The following PTPRD variants were observed in gnomAD, a reference collection of about 807,000 sequenced individuals.
The protein encoded by PTPRD is protein tyrosine phosphatase receptor type D.
In PTPRD, 34 loss-of-function variants were observed where a neutral mutation model predicts 214.5. The observed-to-expected ratio is 0.16, with a 90% CI of 0.12 to 0.21. The LOEUF (loss-of-function observed/expected upper bound fraction) is 0.21. Ranked by LOEUF, PTPRD falls within the 10% of genes least tolerant of loss-of-function variation. The pLI is 1.00. For missense variants in PTPRD, 2,545 were observed against 2,398.7 expected, an observed-to-expected ratio of 1.06 and a Z score of -1.27; for synonymous variants, 1,128 against 845.7, an observed-to-expected ratio of 1.33 and a Z score of -5.79.
At chr9:9,919,014 G>A (rs990762180) in intron 5 of PTPRD, among the ~76,000 whole-genome samples, 5 of 152,032 alleles carry the variant, frequency 3.3e-5, no homozygotes, top group Admixed American at 2.6e-4. Context: ...TACTAATCTT[G>A]ATGTTGAGGA....
chr9:10,057,700 T>C (rs1409868028), intron 3 of PTPRD, among the ~76,000 whole-genome samples: 1 of 151,748 alleles, frequency 6.6e-6, no homozygotes, highest in African/African-American at 2.4e-5. Flanking sequence ...AAAAATTAGC[T>C]GGGCGTGGTG....
At chr9:8,374,955 T>A (rs930970460) in intron 39 of PTPRD, among the ~76,000 whole-genome samples, 8 of 151,874 alleles carry the variant, frequency 5.3e-5, no homozygotes, top group African/African-American at 9.7e-5. Context: ...TATATTATAG[T>A]ATAATATGGG....
intron 26 of PTPRD, among the ~76,000 whole-genome samples, chr9:8,496,210 AAAC>A (rs2097266409): frequency 1.3e-3 from 163 of 121,480 alleles, no homozygotes; most frequent in African/African-American, 4.1e-3. Context: ...ACACACACAC[AAAC>A]ACACACACAC....
At chr9:10,415,997 A>T (rs545125186) in intron 2 of PTPRD, among the ~76,000 whole-genome samples, 1 of 151,994 alleles carries the variant, frequency 6.6e-6, no homozygotes, top group Non-Finnish European at 1.5e-5. Flanking sequence ...TAATTCCAAA[A>T]TTAATTTTGA....
intron 9 of PTPRD, among the ~76,000 whole-genome samples, chr9:9,329,000 C>G (rs2041252560): frequency 6.6e-6 from 1 of 151,940 alleles, no homozygotes; most frequent in Non-Finnish European, 1.5e-5. Flanking sequence ...AAAATTGACA[C>G]TATGAGGAGA....
intron 3 of PTPRD, among the ~76,000 whole-genome samples, chr9:10,207,553 T>G (rs1466342247): frequency 1.3e-5 from 2 of 152,152 alleles, no homozygotes; most frequent in African/African-American, 4.8e-5. Context: ...AATATTATTA[T>G]GTAACTAAAT....
At chr9:9,345,417 G>C (rs956575922) in intron 9 of PTPRD, among the ~76,000 whole-genome samples, 1 of 152,060 alleles carries the variant, frequency 6.6e-6, no homozygotes, top group Non-Finnish European at 1.5e-5. Flanking sequence ...AGAGGCTCAA[G>C]TACAGGTTAT....
At chr9:9,285,409 T>A (rs548905372) in intron 9 of PTPRD, among the ~76,000 whole-genome samples, 4 of 151,798 alleles carry the variant, frequency 2.6e-5, no homozygotes, top group Non-Finnish European at 5.9e-5. Context: ...TCTAAAATTT[T>A]TTTTCTCAAA....
chr9:10,551,522 C>A (rs979892666), intron 2 of PTPRD, among the ~76,000 whole-genome samples: 4 of 152,062 alleles, frequency 2.6e-5, no homozygotes, highest in African/African-American at 9.7e-5. Context: ...AAGAAGGCCT[C>A]ATGAATGGGA....
At chr9:10,060,853 C>G (rs1215385933) in intron 3 of PTPRD, among the ~76,000 whole-genome samples, 1 of 110,388 alleles carries the variant, frequency 9.1e-6, no homozygotes, top group East Asian at 2.4e-4. Flanking sequence ...CCTTTCCTTT[C>G]TTTCTTCCTT....
chr9:10,303,130 T>C (rs988051250), intron 3 of PTPRD, among the ~76,000 whole-genome samples: 1 of 152,116 alleles, frequency 6.6e-6, no homozygotes, highest in African/African-American at 2.4e-5. Flanking sequence ...CACAACTACA[T>C]ATAAGCTGAA....
intron 11 of PTPRD, among the ~76,000 whole-genome samples, chr9:8,816,242 C>A (rs545519188): frequency 6.6e-6 from 1 of 152,162 alleles, no homozygotes; most frequent in Non-Finnish European, 1.5e-5. Context: ...ATGCACTTAA[C>A]AGAATATGAT....
At chr9:8,454,505 C>A in intron 33 of PTPRD, 3 of 1,545,970 alleles carry the variant, frequency 1.9e-6, no homozygotes. Context: ...GCCCTCCCCT[C>A]TTCAACAACT....
intron 3 of PTPRD, among the ~76,000 whole-genome samples, chr9:10,126,391 G>T (rs965652997): frequency 6.7e-6 from 1 of 149,730 alleles, no homozygotes; most frequent in South Asian, 2.1e-4. Context: ...GTTCAGTATT[G>T]AAATTTGATT....
At chr9:8,627,883 C>A (rs1378889196) in intron 14 of PTPRD, among the ~76,000 whole-genome samples, 1 of 151,896 alleles carries the variant, frequency 6.6e-6, no homozygotes. Flanking sequence ...CGTCTGTTCA[C>A]TTAAAGTGGC....
intron 14 of PTPRD, among the ~76,000 whole-genome samples, chr9:8,615,146 G>T (rs776393917): frequency 2.0e-5 from 3 of 152,092 alleles, no homozygotes; most frequent in African/African-American, 4.8e-5. Flanking sequence ...GCTGAGCACA[G>T]CTGAAGAAAG....
intron 5 of PTPRD, among the ~76,000 whole-genome samples, chr9:9,931,460 G>T (rs1211538642): frequency 1.3e-5 from 2 of 152,204 alleles, no homozygotes; most frequent in African/African-American, 4.8e-5. Flanking sequence ...AAAGAAAGGG[G>T]TGACAGATGG....
At chr9:9,419,128 T>TAC (rs142908778) in intron 8 of PTPRD, among the ~76,000 whole-genome samples, 57,789 of 139,670 alleles carry the variant, frequency 0.41, 12,387 homozygotes, top group East Asian at 0.64. Context: ...AGGCCCCTTA[T>TAC]ACACACACAC....
chr9:9,737,564 A>G (rs1043000992), intron 6 of PTPRD, among the ~76,000 whole-genome samples: 1 of 152,072 alleles, frequency 6.6e-6, no homozygotes, highest in Non-Finnish European at 1.5e-5. Context: ...GGATTTGCCT[A>G]TTCTGTACAC....
Sources: gnomAD v4.1 joint callset for allele counts (sites outside exome capture counted in the v4.1 genomes callset) on GRCh38, gnomAD v4.1.1 for gene constraint, MANE v1.5 for transcripts, NCBI Gene and HGNC (gene_info 2026-07-23, HGNC 2026-07-21) for gene names.